Variants in DYM observed in about 807,000 individuals in gnomAD.
The protein encoded by DYM is dymeclin.
In DYM, 78 loss-of-function variants were observed where a neutral mutation model predicts 93.1. The ratio of observed to expected loss-of-function variants is 0.84; its 90% CI spans 0.70 to 1.01. The LOEUF is 1.01. DYM is among the 50% of genes least tolerant of loss of function. The pLI, the probability that DYM is intolerant of heterozygous loss-of-function variation, is 0.00. For missense variants in DYM, 789 were observed against 845.0 expected (o/e 0.93, Z 0.82); for synonymous variants, 321 against 319.7 (o/e 1.00, Z -0.04).
chr18:49,074,293 A>G lies in DYM; in HGVS notation c.2025+23109T>C, dbSNP rs531573228. The stretch of plus-strand genomic sequence containing the variant: ...AAATGATACAGTATAACAACTACTT[A>G]TATGGCATTTACATTATATTAGGTA... On this transcript the variant is annotated intron_variant, in intron 17 of 17. Coordinates refer to ENST00000675505, the MANE Select transcript of DYM (RefSeq NM_001353214.3). Among the ~76,000 whole-genome samples the G allele has an allele frequency of 7.2e-5, 11 of 152,330 alleles. No individual in the cohort carries two copies. The East Asian group carries it at 1.7e-3, about 24-fold the overall frequency.
intron 6 of DYM, among the ~76,000 whole-genome samples, chr18:49,341,596 AAAG>A (rs1665112069): frequency 6.6e-6 from 1 of 152,058 alleles, no homozygotes; most frequent in Non-Finnish European, 1.5e-5. Context: ...GGTATTCATG[AAAG>A]AAGAGTGGCC....
chr18:49,042,603 C>A lies in DYM; in HGVS notation c.*1452G>T, dbSNP rs976951652. 1.3e-5 allele frequency: 2 copies of A among 152,286 alleles called. No individual in the cohort carries two copies. The highest frequency in any genetic ancestry group is 4.8e-5 in the African/African-American group (2 of 41,480). 9.4% of individuals were successfully genotyped at this position (152,286 alleles called of 1,614,324 possible). Reference sequence around the variant, plus strand: ...GCCCTGGGACACAGGACAGGAGAAGCCAGCCCTGACACAGATGAGCTGGCA... The same window carrying A: ...GCCCTGGGACACAGGACAGGAGAAGACAGCCCTGACACAGATGAGCTGGCA... On this transcript the variant is annotated 3_prime_UTR_variant, in exon 18 of 18. Transcript: ENST00000675505.
chr18:49,131,948 G>T (rs1349314532), intron 15 of DYM, among the ~76,000 whole-genome samples: 1 of 152,112 alleles, frequency 6.6e-6, no homozygotes, highest in Non-Finnish European at 1.5e-5. Context: ...AGAAAGACAG[G>T]ATTGCTCTAG....
intron 1 of DYM, among the ~76,000 whole-genome samples, chr18:49,460,107 A>T (rs1049250549): frequency 1.3e-5 from 2 of 152,222 alleles, no homozygotes; most frequent in African/African-American, 4.8e-5. Context: ...CACCCTGCCC[A>T]TCACACGCCC....
At chr18:49,280,956 TC>T (rs2094957070) in intron 10 of DYM, among the ~76,000 whole-genome samples, 1 of 151,956 alleles carries the variant, frequency 6.6e-6, no homozygotes, top group African/African-American at 2.4e-5. Flanking sequence ...ACAAATGGGA[TC>T]TAATTAAACT....
At chr18:49,146,411 G>C (rs766189814) in intron 15 of DYM, among the ~76,000 whole-genome samples, 50 of 152,300 alleles carry the variant, frequency 3.3e-4, no homozygotes, top group Non-Finnish European at 6.3e-4. Flanking sequence ...AATTGTCCCT[G>C]TTTGCAGATG....
At position 49,113,777 on chromosome 18, in the gene DYM, T is replaced by A. The variant is rs565178396; in HGVS notation, c.1911+4967A>T. Among the ~76,000 whole-genome samples, 17 of 152,368 alleles carry A rather than the reference T, an allele frequency of 1.1e-4. No individual in the cohort carries two copies. The South Asian group carries it at 3.5e-3, about 32-fold the overall frequency. ...GCACACAGTAGAGATGTTATTTATA[T>A]CTTTATCACAGCATCTTTTCAAAAT... is the stretch of plus-strand genomic sequence containing the variant. On this transcript the variant is annotated intron_variant, in intron 16 of 17. Transcript: ENST00000675505.
intron 17 of DYM, among the ~76,000 whole-genome samples, chr18:49,096,471 G>A (rs949990897): frequency 6.6e-6 from 1 of 152,186 alleles, no homozygotes; most frequent in Admixed American, 6.6e-5. Context: ...TGGAACAGAC[G>A]TGAACTGTGA....
chr18:49,252,916 A>G, intron 13 of DYM, among the ~76,000 whole-genome samples: 1 of 152,226 alleles, frequency 6.6e-6, no homozygotes, highest in Non-Finnish European at 1.5e-5. Context: ...ATGCACACTT[A>G]TGGCATATCC....
chr18:49,268,134 T>C (rs2094603345), intron 11 of DYM, among the ~76,000 whole-genome samples: 1 of 152,212 alleles, frequency 6.6e-6, no homozygotes, highest in African/African-American at 2.4e-5. Flanking sequence ...AAATTCTCTG[T>C]ATCATTGGGT....
At chr18:49,124,485 G>A (rs2082642355) in intron 15 of DYM, among the ~76,000 whole-genome samples, 1 of 148,452 alleles carries the variant, frequency 6.7e-6, no homozygotes, top group African/African-American at 2.5e-5. Flanking sequence ...CTCCAGCCTG[G>A]GCAACAGAGT....
At chr18:49,099,870 T>C (rs1349515929) in intron 16 of DYM, among the ~76,000 whole-genome samples, 1 of 152,220 alleles carries the variant, frequency 6.6e-6, no homozygotes, top group East Asian at 1.9e-4. Context: ...ATGTGGCACT[T>C]GTTCCAGGAG....
intron 3 of DYM, 86 bp from the exon 4 acceptor site, chr18:49,379,844 T>A: frequency 8.7e-7 from 1 of 1,149,510 alleles, no homozygotes; most frequent in East Asian, 2.4e-5. Context: ...AAACCAAATG[T>A]CATATTAAAA....
intron 14 of DYM, among the ~76,000 whole-genome samples, chr18:49,186,588 C>T (rs947391677): frequency 6.6e-6 from 1 of 152,194 alleles, no homozygotes; most frequent in Non-Finnish European, 1.5e-5. Context: ...ATCCATCCAC[C>T]CACCTGTCCT....
intron 16 of DYM, chr18:49,115,952 C>G (rs2145931419): frequency 6.6e-6 from 1 of 152,296 alleles, no homozygotes; most frequent in South Asian, 2.1e-4. Context: ...TTGGGCTAGT[C>G]TTTGACCCTT....
In DYM at chr18:49,039,785, G is replaced by A. The variant is rs1293874795; in HGVS notation, c.*4270C>T. Among the ~76,000 whole-genome samples the A allele has an allele frequency of 6.6e-6, 1 of 152,142 alleles. No individual in the cohort carries two copies. Among genetic ancestry groups the A allele is most frequent in the Admixed American group, 6.5e-5 (1 of 15,272 alleles). On this transcript the variant is annotated 3_prime_UTR_variant, in exon 18 of 18. Transcript: ENST00000675505. ...TCTCTGTTGAAATTCTTGACCATGC[G>A]TCTCATTTTTTTGAACACAGTAACC...
chr18:49,108,146 G>C (rs902887249), intron 16 of DYM, among the ~76,000 whole-genome samples: 1 of 152,214 alleles, frequency 6.6e-6, no homozygotes, highest in Non-Finnish European at 1.5e-5. Context: ...CTTGCAGTTT[G>C]ATCTCAGACT....
intron 15 of DYM, among the ~76,000 whole-genome samples, chr18:49,123,033 TCTTA>T (rs1490386190): frequency 3.3e-5 from 5 of 152,346 alleles, no homozygotes; most frequent in Non-Finnish European, 5.9e-5. Context: ...ACAGTCATGT[TCTTA>T]CTTATTTCTG....
intron 17 of DYM, among the ~76,000 whole-genome samples, chr18:49,085,414 T>A (rs1170631659): frequency 6.6e-6 from 1 of 152,164 alleles, no homozygotes; most frequent in Non-Finnish European, 1.5e-5. Context: ...CCATTTTTAA[T>A]GTTAGGGTTT....
Sources: gnomAD v4.1 joint callset for allele counts (sites outside exome capture counted in the v4.1 genomes callset) on GRCh38, gnomAD v4.1.1 for gene constraint, MANE v1.5 for transcripts, NCBI Gene and HGNC (gene_info 2026-07-23, HGNC 2026-07-21) for gene names.